SVOP: variants seen among roughly 807,000 people sequenced by gnomAD.
SVOP encodes SV2 related protein, also known as synaptic vesicle 2-related protein.
Under a neutral mutation model 69.1 loss-of-function variants are expected in SVOP, and 17 were observed. The ratio of observed to expected loss-of-function variants is 0.25; its 90% CI spans 0.17 to 0.37. The LOEUF (loss-of-function observed/expected upper bound fraction) is 0.37, where lower values mean the gene tolerates loss of function less well. SVOP is among the 10% of genes least tolerant of loss of function. The pLI is 1.00. For synonymous variants in SVOP, 238 were observed against 238.6 expected, an observed-to-expected ratio of 1.00 and a Z score of 0.02; for missense variants, 435 against 597.5, an observed-to-expected ratio of 0.73 and a Z score of 2.84.
At chr12:108,919,897 G>T (rs1176473823) in intron 12 of SVOP, 111 bp from the exon 13 acceptor site, 8 of 682,640 alleles carry the variant, frequency 1.2e-5, no homozygotes, top group Non-Finnish European at 2.0e-5. Flanking sequence ...ACTAGACTTA[G>T]TGACTCACTT....
At chr12:108,917,225 G>C (rs1032026617) in intron 14 of SVOP, among the ~76,000 whole-genome samples, 1 of 152,178 alleles carries the variant, frequency 6.6e-6, no homozygotes, top group East Asian at 1.9e-4. Context: ...CTCGAGATTT[G>C]TCACATTTTT....
chr12:108,985,019 G>A (rs1199674405), intron 1 of SVOP, among the ~76,000 whole-genome samples: 2 of 151,860 alleles, frequency 1.3e-5, no homozygotes, highest in African/African-American at 4.8e-5. Flanking sequence ...TTGGGCAAAG[G>A]AGTTCAAGAC....
At chr12:109,008,662 A>G (rs1406827323) in intron 1 of SVOP, among the ~76,000 whole-genome samples, 1 of 152,132 alleles carries the variant, frequency 6.6e-6, no homozygotes, top group Non-Finnish European at 1.5e-5. Flanking sequence ...TATAAGCATC[A>G]TCTCAAGGAA....
rs1189506748 is a variant in SVOP at position 109,021,040 on chromosome 12, C to A, written c.-172G>T. Reference sequence around the variant, plus strand: ...TGGGGACCAGCCCACGAGACAAAGCCTCCGCCGCCAGGAGACCGCGGCGAG... The same window carrying A: ...TGGGGACCAGCCCACGAGACAAAGCATCCGCCGCCAGGAGACCGCGGCGAG... On this transcript the variant is annotated 5_prime_UTR_variant, in exon 1 of 16. In the 5' UTR this introduces an upstream ATG that the reference lacks. Coordinates refer to ENST00000610966, the MANE Select transcript of SVOP (RefSeq NM_018711.5). 4 of 544,870 alleles carry A rather than the reference C, an allele frequency of 7.3e-6. No individual in the cohort carries two copies. The highest frequency in any genetic ancestry group is 1.3e-5 in the Non-Finnish European group (4 of 305,130). 33.8% of individuals were successfully genotyped at this position (544,870 alleles called of 1,614,324 possible).
intron 1 of SVOP, among the ~76,000 whole-genome samples, chr12:109,010,021 G>A (rs2040331699): frequency 6.6e-6 from 1 of 151,440 alleles, no homozygotes; most frequent in African/African-American, 2.4e-5. Flanking sequence ...ACTTTGGAAA[G>A]TTGAGGCGGG....
chr12:108,940,227 C>T (rs74193321), intron 8 of SVOP, among the ~76,000 whole-genome samples: 79,423 of 151,906 alleles, frequency 0.52, 21,752 homozygotes, highest in South Asian at 0.63. Context: ...TGGTATTTAC[C>T]GTACATGAGA....
intron 11 of SVOP, among the ~76,000 whole-genome samples, chr12:108,928,181 G>A (rs1365407475): frequency 2.0e-5 from 3 of 152,126 alleles, no homozygotes; most frequent in African/African-American, 7.2e-5. Context: ...TGGGATTACA[G>A]GTGTGAGCCA....
rs1197121297 is a variant in SVOP at position 108,909,469 on chromosome 12, T to G, written c.*3066A>C. 6.9e-6 allele frequency: 1 copy of G among 144,150 alleles called. No homozygotes were observed. The highest frequency in any genetic ancestry group is 2.9e-5 in the African/African-American group (1 of 34,356). The allele number at this position is 144,150 out of a possible 1,614,324, so 8.9% of individuals were successfully genotyped here. A position where few individuals can be genotyped will look rare whatever the true frequency, so the allele number is the denominator to read the frequency against. On this transcript the variant is annotated 3_prime_UTR_variant, in exon 16 of 16. Transcript: ENST00000610966. Reference sequence around the variant, plus strand: ...AGACAGAGTTGCAGTGAGCTGAGACTTCATCTCAAAAAAAAAAAAAAAGTA... The same window carrying G: ...AGACAGAGTTGCAGTGAGCTGAGACGTCATCTCAAAAAAAAAAAAAAAGTA...
intron 1 of SVOP, among the ~76,000 whole-genome samples, chr12:109,001,332 T>G (rs1161218933): frequency 1.4e-5 from 2 of 147,534 alleles, no homozygotes; most frequent in Non-Finnish European, 3.0e-5. Flanking sequence ...TGGAAGAACA[T>G]TCCATGCTCA....
At chr12:108,989,772 CAG>C (rs886638116) in intron 1 of SVOP, among the ~76,000 whole-genome samples, 5 of 152,208 alleles carry the variant, frequency 3.3e-5, no homozygotes, top group African/African-American at 1.2e-4. Context: ...GAAGTTCCTG[CAG>C]AGTTATTATA....
intron 1 of SVOP, among the ~76,000 whole-genome samples, chr12:109,004,513 C>A (rs1305256896): frequency 1.3e-5 from 2 of 149,252 alleles, no homozygotes; most frequent in African/African-American, 4.9e-5. Flanking sequence ...TCAAGCAATC[C>A]TCTCACCTCA....
intron 7 of SVOP, among the ~76,000 whole-genome samples, chr12:108,944,032 C>T (rs2039908609): frequency 6.6e-6 from 1 of 152,094 alleles, no homozygotes; most frequent in African/African-American, 2.4e-5. Context: ...CAGCCCACCA[C>T]CACACCTGAC....
chr12:108,917,007 G>C (rs4964283), intron 14 of SVOP, among the ~76,000 whole-genome samples: 1 of 152,000 alleles, frequency 6.6e-6, no homozygotes, highest in African/African-American at 2.4e-5. Flanking sequence ...TCGGCCTCCC[G>C]AAGTGCTGGG....
Position 108,945,180 on chromosome 12 carries a change from AG to A in SVOP, c.579-15del, listed in dbSNP as rs368181040. ...TACAGCGTCACCCTGGGAATGTAAA[AG>A]GGAAAGAAAGGGAGTTAAGATCAGA... On this transcript the variant is annotated splice_polypyrimidine_tract_variant and intron_variant, in intron 6 of 15. Coordinates refer to ENST00000610966, the MANE Select transcript of SVOP (RefSeq NM_018711.5). 277 of 1,536,830 alleles carry A rather than the reference AG, an allele frequency of 1.8e-4. No individual in the cohort carries two copies. The African/African-American group carries it at 3.0e-3, about 17-fold the overall frequency.
At chr12:108,925,248 T>C (rs1050651019) in intron 11 of SVOP, among the ~76,000 whole-genome samples, 20 of 152,212 alleles carry the variant, frequency 1.3e-4, no homozygotes, top group Admixed American at 2.0e-4. Flanking sequence ...TGTTTCTCCT[T>C]GCTTGGCATC....
Position 108,922,807 on chromosome 12 carries a change from G to T in SVOP, c.1049-10C>A. 1 of 1,589,770 alleles carries T rather than the reference G, an allele frequency of 6.3e-7. No individual in the cohort carries two copies. Among genetic ancestry groups the T allele is most frequent in the Non-Finnish European group, 8.6e-7 (1 of 1,166,074 alleles). On this transcript the variant is annotated splice_polypyrimidine_tract_variant and intron_variant, in intron 11 of 15. Coordinates refer to ENST00000610966, the MANE Select transcript of SVOP (RefSeq NM_018711.5). The stretch of plus-strand genomic sequence containing the variant: ...TTCTTCCGACTGGAGACTGGGGTTG[G>T]GAGAGAGAAAGAGAGGGGGAGACAT...
intron 1 of SVOP, among the ~76,000 whole-genome samples, chr12:109,002,880 A>G (rs892992921): frequency 2.0e-5 from 3 of 151,582 alleles, no homozygotes; most frequent in African/African-American, 4.8e-5. Context: ...AGTGGGTGCA[A>G]TGCACCAGCA....
At chr12:109,005,360 A>G (rs1431695627) in intron 1 of SVOP, among the ~76,000 whole-genome samples, 2 of 152,144 alleles carry the variant, frequency 1.3e-5, no homozygotes, top group African/African-American at 4.8e-5. Context: ...CTCACAGGGT[A>G]GCCATGGAGA....
chr12:108,956,028 C>T (rs1208541969), intron 6 of SVOP, among the ~76,000 whole-genome samples: 2 of 152,084 alleles, frequency 1.3e-5, no homozygotes, highest in African/African-American at 2.4e-5. Flanking sequence ...TGGCTGGGCG[C>T]AGTGGCTCAC....
Sources: gnomAD v4.1 joint callset for allele counts (sites outside exome capture counted in the v4.1 genomes callset) on GRCh38, gnomAD v4.1.1 for gene constraint, MANE v1.5 for transcripts, NCBI Gene and HGNC (gene_info 2026-07-23, HGNC 2026-07-21) for gene names.